The following WNK3 variants were observed in gnomAD, a reference collection of about 807,000 sequenced individuals.
The protein encoded by WNK3 is WNK lysine deficient protein kinase 3.
A neutral mutation model predicts 116.7 loss-of-function variants in WNK3; 18 were observed. That is an observed-to-expected ratio of 0.15 (90% CI 0.11 to 0.23). The LOEUF (loss-of-function observed/expected upper bound fraction) is 0.23. WNK3 is among the 10% of genes least tolerant of loss of function. The pLI is 1.00. For synonymous variants in WNK3, 404 were observed against 469.4 expected (o/e 0.86, Z 1.80); for missense variants, 993 against 1,323.8 (o/e 0.75, Z 3.88).
intron 22 of WNK3, among the ~76,000 whole-genome samples, chrX:54,221,707 C>T (rs1265076951): frequency 9.1e-6 from 1 of 110,217 alleles, no homozygotes; most frequent in Non-Finnish European, 1.9e-5. Context: ...TGGTGACGCA[C>T]GCCTGTAATC....
intron 10 of WNK3, among the ~76,000 whole-genome samples, chrX:54,283,832 T>C (rs1480235291): frequency 1.9e-5 from 2 of 104,786 alleles, no homozygotes; most frequent in Non-Finnish European, 3.9e-5. Flanking sequence ...GGATGTCTTT[T>C]CAACAGATGA....
chrX:54,343,585 T>C (rs190506211), intron 1 of WNK3: 1 of 111,071 alleles, frequency 9.0e-6, no homozygotes, highest in East Asian at 2.8e-4. Flanking sequence ...ATTGGAATGA[T>C]ACAGAGAAGA....
At chrX:54,236,899 G>A (rs782552765) in intron 20 of WNK3, 39 bp downstream of exon 20, 2 of 1,154,800 alleles carry the variant, frequency 1.7e-6, no homozygotes, top group South Asian at 2.1e-5. Flanking sequence ...ATAAAACCTA[G>A]GGCAACCAGA....
chrX:54,215,300 C>T (rs1423004199), intron 22 of WNK3, among the ~76,000 whole-genome samples: 1 of 110,883 alleles, frequency 9.0e-6, no homozygotes, highest in Non-Finnish European at 1.9e-5. Flanking sequence ...GCCTGATTCT[C>T]CTGCCTCAGC....
At chrX:54,194,298 G>A (rs781929891) in exon 24 of WNK3, 2 of 112,083 alleles carry the variant, frequency 1.8e-5, no homozygotes, top group African/African-American at 6.5e-5. Context: ...GCATTTGGCC[G>A]TTTTAAGGTA....
chrX:54,281,944 T>A (rs980429457), intron 10 of WNK3, among the ~76,000 whole-genome samples: 2 of 111,506 alleles, frequency 1.8e-5, no homozygotes, highest in African/African-American at 6.5e-5. Flanking sequence ...GTCAAGATAC[T>A]GATTTCTTTT....
chrX:54,293,161 T>G (rs782467562), exon 9 of WNK3: 2 of 1,206,743 alleles, frequency 1.7e-6, no homozygotes, highest in African/African-American at 3.5e-5. Flanking sequence ...AATGTCCTAC[T>G]AGTTGCTGAG....
At chrX:54,252,065 C>CAAA in intron 13 of WNK3, among the ~76,000 whole-genome samples, 1 of 29,922 alleles carries the variant, frequency 3.3e-5, no homozygotes, top group Admixed American at 4.1e-4. Context: ...AACTCTGTCT[C>CAAA]AAAAAAAAAA....
chrX:54,253,865 T>C, intron 13 of WNK3, 94 bp downstream of exon 13: 1 of 651,556 alleles, frequency 1.5e-6, no homozygotes. Context: ...AATCGTACTC[T>C]AAAAAACAAT....
intron 15 of WNK3, among the ~76,000 whole-genome samples, chrX:54,251,041 C>T (rs2146935835): frequency 8.9e-6 from 1 of 111,848 alleles, no homozygotes; most frequent in South Asian, 3.8e-4. Context: ...ATGAGGCAAA[C>T]TTAGAAAATG....
rs377349896 is a variant in WNK3 at position 54,198,597 on chromosome X, G to A, written c.5130C>T (p.Ile1710=). 8.3e-7 allele frequency: 1 copy of A among 1,207,751 alleles called. No individual in the cohort carries two copies. Among genetic ancestry groups the A allele is most frequent in the Admixed American group, 2.2e-5 (1 of 45,447 alleles). Residue 1710 remains isoleucine (I), a synonymous_variant, in exon 24 of 24, where the codon ATC becomes ATT. Coordinates refer to ENST00000354646, the Ensembl canonical transcript of WNK3. The stretch of plus-strand genomic sequence containing the variant: ...GCAAGGAAGTTGGGACAGCTCCACG[G>A]ATTTGGGACAGAGAAGAAATCCATG...
At chrX:54,298,669 A>G (rs981235666) in intron 6 of WNK3, among the ~76,000 whole-genome samples, 1 of 111,896 alleles carries the variant, frequency 8.9e-6, no homozygotes, top group Non-Finnish European at 1.9e-5. Context: ...GAATTCTTAC[A>G]AGTAATACAT....
intron 10 of WNK3, among the ~76,000 whole-genome samples, chrX:54,271,941 C>T (rs183823313): frequency 8.9e-6 from 1 of 112,053 alleles, no homozygotes; most frequent in East Asian, 2.8e-4. Context: ...GACTAATGTC[C>T]TTATTATTAC....
intron 10 of WNK3, among the ~76,000 whole-genome samples, chrX:54,287,913 T>C (rs1225996445): frequency 8.9e-6 from 1 of 112,385 alleles, no homozygotes; most frequent in Non-Finnish European, 1.9e-5. Flanking sequence ...TTGTAAATGC[T>C]GCTGTGTGTG....
intron 22 of WNK3, among the ~76,000 whole-genome samples, chrX:54,217,427 C>A (rs1185925395): frequency 9.2e-6 from 1 of 108,110 alleles, no homozygotes; most frequent in Non-Finnish European, 1.9e-5. Context: ...CAAGACTATC[C>A]TGGCCAACAT....
chrX:54,337,557 C>CAAATAAATAAATAAAT (rs56172743), intron 1 of WNK3, among the ~76,000 whole-genome samples: 25,054 of 73,648 alleles, frequency 0.34, 4,268 homozygotes, highest in Non-Finnish European at 0.38. Flanking sequence ...AGACTAGTCT[C>CAAATAAATAAATAAAT]AAATAAATAA....
intron 17 of WNK3, 60 bp from the exon 18 acceptor site, chrX:54,239,159 C>A: frequency 1.4e-6 from 1 of 699,166 alleles, no homozygotes; most frequent in Non-Finnish European, 1.9e-6. Flanking sequence ...ACAAAACAAC[C>A]GAGAAAAACC....
chrX:54,343,021 T>C (rs1428896683), intron 1 of WNK3, among the ~76,000 whole-genome samples: 2 of 110,478 alleles, frequency 1.8e-5, no homozygotes, highest in South Asian at 7.8e-4. Flanking sequence ...GCTAACTTTT[T>C]GTATTTTTTT....
At chrX:54,345,267 ACAACAAC>A (rs1344463778) in intron 1 of WNK3, among the ~76,000 whole-genome samples, 5 of 101,312 alleles carry the variant, frequency 4.9e-5, no homozygotes, top group South Asian at 9.1e-4. Context: ...AACAACAACA[ACAACAAC>A]TATATATATA....
Sources: gnomAD v4.1 joint callset for allele counts (sites outside exome capture counted in the v4.1 genomes callset) on GRCh38, gnomAD v4.1.1 for gene constraint, MANE v1.5 for transcripts, NCBI Gene and HGNC (gene_info 2026-07-23, HGNC 2026-07-21) for gene names.